Variants in LRRC28 observed in about 807,000 individuals in gnomAD.
LRRC28 encodes leucine-rich repeat-containing protein 28.
A neutral mutation model predicts 45.7 loss-of-function variants in LRRC28; 39 were observed. That is an observed-to-expected ratio of 0.85 (90% CI 0.66 to 1.12). The LOEUF (loss-of-function observed/expected upper bound fraction) is 1.12, where lower values mean the gene tolerates loss of function less well. Among genes scored for constraint, LRRC28 ranks in the 50% most tolerant of loss-of-function variants. The probability of loss-of-function intolerance (pLI) is 0.00; values close to 1 mark genes in which losing one functional copy is unlikely to be tolerated. For synonymous variants in LRRC28, 206 were observed against 178.8 expected, an observed-to-expected ratio of 1.15 and a Z score of -1.22; for missense variants, 435 against 438.5, an observed-to-expected ratio of 0.99 and a Z score of 0.07.
At chr15:99,259,354 T>G in intron 2 of LRRC28, 1 of 1,546,542 alleles carries the variant, frequency 6.5e-7, no homozygotes, top group Non-Finnish European at 8.9e-7. Flanking sequence ...TTCAGGCCCT[T>G]CCCGAATTTG....
At chr15:99,319,848 G>C (rs1955733923) in intron 5 of LRRC28, among the ~76,000 whole-genome samples, 1 of 151,920 alleles carries the variant, frequency 6.6e-6, no homozygotes, top group African/African-American at 2.4e-5. Flanking sequence ...GACAGAACCA[G>C]GCTGGAGTGC....
chr15:99,276,523 A>G, intron 2 of LRRC28, 53 bp from the exon 3 acceptor site: 1 of 1,395,140 alleles, frequency 7.2e-7, no homozygotes, highest in African/African-American at 1.5e-5. Flanking sequence ...CAAATTAGAA[A>G]TGTTTAGACA....
At chr15:99,336,859 CTCTTG>C (rs1208964278) in intron 6 of LRRC28, among the ~76,000 whole-genome samples, 1 of 152,188 alleles carries the variant, frequency 6.6e-6, no homozygotes, top group Non-Finnish European at 1.5e-5. Context: ...ACTTGTTTTT[CTCTTG>C]TCTTGGTTAT....
intron 2 of LRRC28, chr15:99,257,564 C>A: frequency 1.9e-6 from 1 of 535,312 alleles, no homozygotes; most frequent in South Asian, 1.9e-5. Context: ...GGATCCAACC[C>A]GGGGGTGAGA....
In LRRC28 at chr15:99,255,950, A is replaced by G. The variant is rs1445622620; in HGVS notation, c.-8A>G. The G allele has an allele frequency of 1.2e-6, 2 of 1,611,568 alleles. No individual in the cohort carries two copies. The highest frequency in any genetic ancestry group is 1.7e-6 in the Non-Finnish European group (2 of 1,179,726). On this transcript the variant is annotated 5_prime_UTR_variant, in exon 2 of 10. It adds an upstream start codon to the 5' untranslated region. Coordinates refer to ENST00000301981, the MANE Select transcript of LRRC28 (RefSeq NM_144598.5). The stretch of plus-strand genomic sequence containing the variant: ...TGCTGCAGCGTGCCTGATGGGATAT[A>G]TTCAGTCATGGCGTCCGAACTTTGT...
chr15:99,333,985 C>G lies in LRRC28; in HGVS notation c.448C>G (p.Pro150Ala), dbSNP rs769623960. The G allele has an allele frequency of 6.2e-7, 1 of 1,614,130 alleles. No individual in the cohort carries two copies. The highest frequency in any genetic ancestry group is 1.3e-5 in the African/African-American group (1 of 75,044). Residue 150 changes from proline to alanine, a missense_variant, in exon 6 of 10, where the codon CCC becomes GCC. Coordinates refer to ENST00000301981, the MANE Select transcript of LRRC28 (RefSeq NM_144598.5). ...DISTNRLLTL[P>A]ERLHMCLSLQ... ...TTCTACCAATCGTTTGCTAACTTTA[C>G]CCGAGAGGCTTCACATGTGCCTTTC...
chr15:99,271,068 G>A lies in LRRC28; in HGVS notation c.169-5508G>A, dbSNP rs184669966. Among the ~76,000 whole-genome samples, 406 of 152,230 alleles carry A rather than the reference G, an allele frequency of 2.7e-3. 1 individual carries two copies. The highest frequency in any genetic ancestry group is 4.8e-3 in the Admixed American group (73 of 15,294). ...TGTTGGTCATTTGCATATCTTCTTG[G>A]GAGAAATGTCTGTTCAGATCCTTTG... On this transcript the variant is annotated intron_variant, in intron 2 of 9. Coordinates refer to ENST00000301981, the MANE Select transcript of LRRC28 (RefSeq NM_144598.5).
chr15:99,283,186 C>T (rs2081856735), intron 3 of LRRC28, among the ~76,000 whole-genome samples: 1 of 151,970 alleles, frequency 6.6e-6, no homozygotes, highest in Non-Finnish European at 1.5e-5. Context: ...AGCCACCACA[C>T]CCAAACTAAA....
chr15:99,315,308 G>A (rs1955555137), intron 5 of LRRC28, among the ~76,000 whole-genome samples: 1 of 152,000 alleles, frequency 6.6e-6, no homozygotes, highest in South Asian at 2.1e-4. Context: ...TGTTTAGATA[G>A]TGTCATTGTT....
intron 6 of LRRC28, among the ~76,000 whole-genome samples, chr15:99,346,240 A>C (rs1202386455): frequency 1.3e-5 from 2 of 152,098 alleles, no homozygotes; most frequent in Non-Finnish European, 2.9e-5. Context: ...GCAGTGGTGC[A>C]GTTGTGGCTC....
At chr15:99,331,348 T>TA (rs1292134620) in intron 5 of LRRC28, among the ~76,000 whole-genome samples, 6 of 152,180 alleles carry the variant, frequency 3.9e-5, no homozygotes, top group Non-Finnish European at 7.4e-5. Context: ...TCAGCACACT[T>TA]AGAGTGTAAT....
intron 6 of LRRC28, among the ~76,000 whole-genome samples, chr15:99,345,959 T>C (rs1473062083): frequency 6.6e-6 from 1 of 152,146 alleles, no homozygotes; most frequent in Non-Finnish European, 1.5e-5. Context: ...TTCTCTTCAG[T>C]GACTTACTTC....
intron 5 of LRRC28, among the ~76,000 whole-genome samples, chr15:99,317,752 T>G (rs1165811193): frequency 6.6e-6 from 1 of 152,192 alleles, no homozygotes; most frequent in Non-Finnish European, 1.5e-5. Flanking sequence ...CTTGGAAATT[T>G]TATTTGCAAC....
chr15:99,263,736 G>A (rs960453563), intron 2 of LRRC28, among the ~76,000 whole-genome samples: 1 of 152,170 alleles, frequency 6.6e-6, no homozygotes, highest in Non-Finnish European at 1.5e-5. Flanking sequence ...GTATGACACC[G>A]AAGACTGACT....
chr15:99,313,561 A>G (rs1465421102), intron 5 of LRRC28, among the ~76,000 whole-genome samples: 4 of 152,184 alleles, frequency 2.6e-5, no homozygotes, highest in Non-Finnish European at 5.9e-5. Flanking sequence ...GCAATTCAAA[A>G]GAACTTGATT....
intron 2 of LRRC28, among the ~76,000 whole-genome samples, chr15:99,268,905 T>C (rs2081400832): frequency 6.6e-6 from 1 of 152,232 alleles, no homozygotes; most frequent in African/African-American, 2.4e-5. Context: ...CCAACCCTTG[T>C]TTCCGACATT....
At chr15:99,384,151 T>C (rs1365949478) in intron 9 of LRRC28, 1 of 152,196 alleles carries the variant, frequency 6.6e-6, no homozygotes, top group Admixed American at 6.5e-5. Context: ...TTTTTGGCCC[T>C]AGAGGCGATG....
chr15:99,278,945 T>C (rs1289818872), intron 3 of LRRC28, among the ~76,000 whole-genome samples: 4 of 152,228 alleles, frequency 2.6e-5, no homozygotes, highest in African/African-American at 9.6e-5. Flanking sequence ...TTGCTTGATG[T>C]TGGCTAGAGC....
chr15:99,381,611 AT>A (rs1957826785), intron 9 of LRRC28, among the ~76,000 whole-genome samples: 1 of 152,060 alleles, frequency 6.6e-6, no homozygotes, highest in Non-Finnish European at 1.5e-5. Context: ...AGGTGCTCTG[AT>A]TTTTAGAGTT....
Sources: gnomAD v4.1 joint callset for allele counts (sites outside exome capture counted in the v4.1 genomes callset) on GRCh38, gnomAD v4.1.1 for gene constraint, MANE v1.5 for transcripts, NCBI Gene and HGNC (gene_info 2026-07-23, HGNC 2026-07-21) for gene names.